NAP1L4: variants seen among roughly 807,000 people sequenced by gnomAD.
NAP1L4 encodes nucleosome assembly protein 1-like 4.
Under a neutral mutation model 58.2 loss-of-function variants are expected in NAP1L4, and 15 were observed. The ratio of observed to expected loss-of-function variants is 0.26; its 90% CI spans 0.17 to 0.40. The LOEUF (loss-of-function observed/expected upper bound fraction) is 0.40. Among genes scored for constraint, NAP1L4 ranks in the 10% least tolerant of loss-of-function variants. The pLI is 1.00. For missense variants in NAP1L4, 384 were observed against 451.1 expected (o/e 0.85, Z 1.35); for synonymous variants, 171 against 155.6 (o/e 1.10, Z -0.74).
intron 2 of NAP1L4, among the ~76,000 whole-genome samples, chr11:2,978,709 G>T (rs1273684050): frequency 6.6e-6 from 1 of 152,200 alleles, no homozygotes; most frequent in African/African-American, 2.4e-5. Context: ...CTGCTCATGT[G>T]ATCAGAGCAA....
intron 1 of NAP1L4, chr11:2,983,761 C>T (rs1031011685): frequency 6.6e-6 from 1 of 152,006 alleles, no homozygotes; most frequent in Non-Finnish European, 1.5e-5. Flanking sequence ...TCACAGATCA[C>T]CTGAAGCTCA....
Position 2,954,568 on chromosome 11 carries a change from C to T in NAP1L4, c.994G>A (p.Val332Met). The T allele has an allele frequency of 6.2e-7, 1 of 1,614,204 alleles. No homozygotes were observed. Among genetic ancestry groups the T allele is most frequent in the Non-Finnish European group, 8.5e-7 (1 of 1,180,050 alleles). ...ATGGCCTCCCCAGTGAAGTACAGCACAGCCCGCGGGACTATCCGCTCACGG... is the reference window on the plus strand; with the variant it reads ...ATGGCCTCCCCAGTGAAGTACAGCATAGCCCGCGGGACTATCCGCTCACGG... ...FFRERIVPRA[V>M]LYFTGEAIED... The change falls in exon 12 of 16, where the codon GTG becomes ATG. Residue 332 changes from valine (V) to methionine (M), a missense_variant. Around this residue, in one of 3 missense-constraint regions of NAP1L4, gnomAD observed 296 missense variants for 360.8 expected, o/e 0.82. Transcript: ENST00000380542. This position sits in a 1 kb window ranked among gnomAD's most constrained non-coding sequence, Gnocchi z 4.8.
In NAP1L4 at chr11:2,946,449, C is replaced by A. The variant is rs1386762847; in HGVS notation, c.*33-803G>T. The stretch of plus-strand genomic sequence containing the variant: ...GAGGCCAACAATAGCCTAAGAAATA[C>A]ATCACGATCTTGCTAATGCTTCTGC... On this transcript the variant is annotated intron_variant, in intron 15 of 15. Coordinates refer to ENST00000380542, the MANE Select transcript of NAP1L4 (RefSeq NM_005969.4). The surrounding 1 kb of genome is among the most constrained non-coding windows in gnomAD (Gnocchi z 4.8). Among the ~76,000 whole-genome samples, 1 of 152,200 alleles carries A rather than the reference C, an allele frequency of 6.6e-6. No homozygotes were observed. Among genetic ancestry groups the A allele is most frequent in the Non-Finnish European group, 1.5e-5 (1 of 68,040 alleles).
At chr11:2,953,084 G>C (rs974487986) in intron 12 of NAP1L4, among the ~76,000 whole-genome samples, 1 of 152,238 alleles carries the variant, frequency 6.6e-6, no homozygotes, top group Non-Finnish European at 1.5e-5. Flanking sequence ...AGGAGGTGGT[G>C]GAGCTACTAA....
chr11:2,950,097 C>A (rs1846145336), intron 14 of NAP1L4, among the ~76,000 whole-genome samples: 1 of 152,266 alleles, frequency 6.6e-6, no homozygotes, highest in South Asian at 2.1e-4. Context: ...TGACAGCCCT[C>A]ACCTTCCCTG....
intron 1 of NAP1L4, chr11:2,990,938 T>C: frequency 2.8e-6 from 1 of 354,504 alleles, no homozygotes; most frequent in Non-Finnish European, 5.7e-6. Context: ...AATCTACATA[T>C]TTGTATATTT....
rs1049892443 is a variant in NAP1L4, at chr11:2,949,336, G to C, written c.1123-72C>G. 7.9e-7 allele frequency: 1 copy of C among 1,265,170 alleles called. No individual in the cohort carries two copies. Among genetic ancestry groups the C allele is most frequent in the Non-Finnish European group, 1.2e-6 (1 of 864,236 alleles). 78.4% of individuals were successfully genotyped at this position (1,265,170 alleles called of 1,614,324 possible). ...TGAAATGCACAAAATTATACAGGAG[G>C]AAACGGCCACAATTTCTCATGATAC... On this transcript the variant is annotated intron_variant, in intron 14 of 15. Transcript: ENST00000380542. The surrounding 1 kb of genome is among the most constrained non-coding windows in gnomAD (Gnocchi z 4.0).
chr11:2,971,398 T>TAA lies in NAP1L4; in HGVS notation c.402+49_402+50insTT. 1 of 1,524,086 alleles carries TAA rather than the reference T, an allele frequency of 6.6e-7. No individual in the cohort carries two copies. Among genetic ancestry groups the TAA allele is most frequent in the South Asian group, 1.1e-5 (1 of 87,278 alleles). The allele number at this position is 1,524,086 out of a possible 1,614,324, so 94.4% of individuals were successfully genotyped here. A position where few individuals can be genotyped will look rare whatever the true frequency, so the allele number is the denominator to read the frequency against. ...TTAAAAATCATTAAAAAATGCTTAT[T>TAA]TTTAACAGTATTAAAACAGAACATG... On this transcript the variant is annotated intron_variant, in intron 6 of 15. Transcript: ENST00000380542. This position sits in a 1 kb window ranked among gnomAD's most constrained non-coding sequence, Gnocchi z 4.2.
At chr11:2,965,164 G>A (rs1173837332) in intron 7 of NAP1L4, among the ~76,000 whole-genome samples, 2 of 152,256 alleles carry the variant, frequency 1.3e-5, no homozygotes, top group Non-Finnish European at 2.9e-5. Flanking sequence ...AGTCAGAAGA[G>A]AAGGCTAGAT....
In NAP1L4 at chr11:2,954,919, C is replaced by T. The variant is rs1233549240; in HGVS notation, c.916-273G>A. The stretch of plus-strand genomic sequence containing the variant: ...GTCCAAAGGTCTCACCCAGAGTAGG[C>T]GGTATCAGTCTCACATATGGGAAAC... On this transcript the variant is annotated intron_variant, in intron 11 of 15. Transcript: ENST00000380542. The surrounding 1 kb of genome is among the most constrained non-coding windows in gnomAD (Gnocchi z 4.8). 1.3e-5 allele frequency among the ~76,000 whole-genome samples: 2 copies of T among 152,150 alleles called. No homozygotes were observed. Among genetic ancestry groups the T allele is most frequent in the African/African-American group, 2.4e-5 (1 of 41,420 alleles).
At chr11:2,976,157 A>ATGTT in intron 3 of NAP1L4, 34 bp from the exon 4 acceptor site, 1 of 1,547,102 alleles carries the variant, frequency 6.5e-7, no homozygotes, top group Non-Finnish European at 8.9e-7. Flanking sequence ...TATTTAAAAT[A>ATGTT]TGCCCACCAC....
chr11:2,971,638 TA>T lies in NAP1L4; in HGVS notation c.316-105del, dbSNP rs1847641518. ...CTACTAAAAGACTTTGAAAACTGGA[TA>T]TTTTTATAACTTATTTTAAGATTCT... On this transcript the variant is annotated intron_variant, in intron 5 of 15. Coordinates refer to ENST00000380542, the MANE Select transcript of NAP1L4 (RefSeq NM_005969.4). This position sits in a 1 kb window ranked among gnomAD's most constrained non-coding sequence, Gnocchi z 4.2. 1.2e-6 allele frequency: 1 copy of T among 859,786 alleles called. No individual in the cohort carries two copies. The highest frequency in any genetic ancestry group is 1.7e-5 in the African/African-American group (1 of 58,260). The allele number at this position is 859,786 out of a possible 1,614,324, so 53.3% of individuals were successfully genotyped here.
At chr11:2,977,295 C>T (rs184294759) in intron 3 of NAP1L4, among the ~76,000 whole-genome samples, 2 of 152,332 alleles carry the variant, frequency 1.3e-5, no homozygotes, top group Admixed American at 6.5e-5. Flanking sequence ...GTCTGGCAGG[C>T]ACTGTCTTAA....
At chr11:2,987,299 T>G (rs1848689028) in intron 1 of NAP1L4, among the ~76,000 whole-genome samples, 1 of 151,836 alleles carries the variant, frequency 6.6e-6, no homozygotes, top group Non-Finnish European at 1.5e-5. Context: ...TTCTGGGTTT[T>G]TTGTTGTTGT....
intron 9 of NAP1L4, 123 bp from the exon 10 acceptor site, chr11:2,958,667 A>C: frequency 5.3e-6 from 5 of 937,750 alleles, no homozygotes; most frequent in Non-Finnish European, 7.9e-6. Flanking sequence ...CCAATCTGCA[A>C]ACCAAATACA....
At chr11:2,963,777 C>T in intron 8 of NAP1L4, 1 of 519,304 alleles carries the variant, frequency 1.9e-6, no homozygotes, top group Non-Finnish European at 3.8e-6. Context: ...CAGCATTTGT[C>T]TCCAAGACCT....
intron 1 of NAP1L4, among the ~76,000 whole-genome samples, chr11:2,988,483 A>T (rs1358205755): frequency 6.6e-6 from 1 of 152,266 alleles, no homozygotes; most frequent in Non-Finnish European, 1.5e-5. Flanking sequence ...GGGAGGCCCC[A>T]GTACCTAGAA....
In NAP1L4 at chr11:2,951,707, T is replaced by C. The variant is rs534681691; in HGVS notation, c.1065+73A>G. 38 of 1,507,378 alleles carry C rather than the reference T, an allele frequency of 2.5e-5. 1 individual carries two copies. The East Asian group carries it at 8.1e-4, about 32-fold the overall frequency. The allele number at this position is 1,507,378 out of a possible 1,614,324, so 93.4% of individuals were successfully genotyped here. A position where few individuals can be genotyped will look rare whatever the true frequency, so the allele number is the denominator to read the frequency against. ...GGTTTAACACAGCCCTGTGAGTCCA[T>C]AACCTTCAAGCAGAGAAAGCCAAAG... On this transcript the variant is annotated intron_variant, in intron 13 of 15. Coordinates refer to ENST00000380542, the MANE Select transcript of NAP1L4 (RefSeq NM_005969.4). The surrounding 1 kb of genome is among the most constrained non-coding windows in gnomAD (Gnocchi z 4.0).
intron 1 of NAP1L4, 143 bp from the exon 2 acceptor site, chr11:2,979,380 G>T (rs1848167116): frequency 3.1e-6 from 2 of 651,686 alleles, no homozygotes; most frequent in East Asian, 5.6e-5. Flanking sequence ...AAATGTTCTA[G>T]ATCTTGACTG....
Sources: gnomAD v4.1 joint callset for allele counts (sites outside exome capture counted in the v4.1 genomes callset) on GRCh38, gnomAD v4.1.1 for gene constraint, gnomAD v4.1.1 regional missense constraint, Gnocchi (gnomAD v3.1) non-coding constraint, MANE v1.5 for transcripts, NCBI Gene and HGNC (gene_info 2026-07-23, HGNC 2026-07-21) for gene names.